Variants in PAX7 observed in about 807,000 individuals in gnomAD.
PAX7 encodes the protein paired box 7.
A neutral mutation model predicts 50.7 loss-of-function variants in PAX7; 18 were observed. The ratio of observed to expected loss-of-function variants is 0.36; its 90% CI spans 0.25 to 0.53. PAX7 has a LOEUF of 0.53. Among genes scored for constraint, PAX7 ranks in the 20% least tolerant of loss-of-function variants. The pLI is 0.93. For missense variants in PAX7, 644 were observed against 702.9 expected (o/e 0.92, Z 0.95); for synonymous variants, 310 against 290.4 (o/e 1.07, Z -0.69).
intron 4 of PAX7, among the ~76,000 whole-genome samples, chr1:18,683,547 GA>G (rs2088929055): frequency 6.6e-6 from 1 of 152,204 alleles, no homozygotes; most frequent in Admixed American, 6.5e-5. Context: ...GGACAGTCAA[GA>G]ATGCCCATTG....
intron 5 of PAX7, among the ~76,000 whole-genome samples, chr1:18,694,488 AT>A (rs1199902492): frequency 6.7e-6 from 1 of 149,108 alleles, no homozygotes; most frequent in Non-Finnish European, 1.5e-5. Context: ...AAATAAATAA[AT>A]AAATAAATAA....
At chr1:18,662,114 G>T (rs1225903814) in intron 4 of PAX7, among the ~76,000 whole-genome samples, 1 of 151,706 alleles carries the variant, frequency 6.6e-6, no homozygotes, top group Non-Finnish European at 1.5e-5. Context: ...CTTCGCTGGG[G>T]GTAGGGTGGG....
chr1:18,690,767 G>A (rs543862346), intron 4 of PAX7, among the ~76,000 whole-genome samples: 20 of 152,360 alleles, frequency 1.3e-4, no homozygotes, highest in African/African-American at 4.3e-4. Context: ...AGGTCATTCA[G>A]GTGAGGTCTC....
At chr1:18,709,253 G>A (rs767109363) in intron 7 of PAX7, among the ~76,000 whole-genome samples, 6 of 152,070 alleles carry the variant, frequency 3.9e-5, no homozygotes, top group Non-Finnish European at 8.8e-5. Context: ...CTCCTGCCAC[G>A]ACCTCGTGGA....
At chr1:18,744,738 A>T in intron 8 of PAX7, 76 bp from the exon 9 acceptor site, 1 of 753,332 alleles carries the variant, frequency 1.3e-6, no homozygotes, top group East Asian at 2.7e-5. Context: ...GGATGGATGG[A>T]TGGGTGTAGA....
chr1:18,691,142 T>C (rs1249873738), intron 4 of PAX7, among the ~76,000 whole-genome samples: 1 of 152,156 alleles, frequency 6.6e-6, no homozygotes, highest in Non-Finnish European at 1.5e-5. Context: ...CACACTCAGC[T>C]AATTTTCTTA....
At chr1:18,643,990 C>T (rs1470275724) in intron 4 of PAX7, among the ~76,000 whole-genome samples, 2 of 152,246 alleles carry the variant, frequency 1.3e-5, no homozygotes, top group African/African-American at 2.4e-5. Context: ...CAGGCCGGCC[C>T]GGGCTTCACT....
chr1:18,654,866 A>T (rs1476048744), intron 4 of PAX7, among the ~76,000 whole-genome samples: 1 of 152,192 alleles, frequency 6.6e-6, no homozygotes, highest in Admixed American at 6.5e-5. Context: ...CACAGGGCTG[A>T]AGAAAGAGGC....
At chr1:18,744,783 A>G (rs1931355972) in intron 8 of PAX7, 31 bp from the exon 9 acceptor site, 2 of 1,340,198 alleles carry the variant, frequency 1.5e-6, no homozygotes, top group Admixed American at 2.0e-5. Flanking sequence ...AAAGAACCTC[A>G]ATTTCTAGGA....
intron 7 of PAX7, among the ~76,000 whole-genome samples, chr1:18,724,018 T>C (rs1353366392): frequency 1.3e-5 from 2 of 152,000 alleles, no homozygotes; most frequent in Non-Finnish European, 2.9e-5. Context: ...CATTTTTCAC[T>C]CGCTCAGTGC....
Position 18,720,629 on chromosome 1 carries a change from G to A in PAX7, c.1156-15003G>A, listed in dbSNP as rs181263276. 4.0e-5 allele frequency among the ~76,000 whole-genome samples: 6 copies of A among 151,838 alleles called. No homozygotes were observed. In the South Asian group the frequency reaches 6.3e-4, roughly 16 times the overall value. ...GGAGAGAGGGGAGGTGGGCGCAGAC[G>A]GACCCATGGAAAGAAGGGAGGTGGG... On this transcript the variant is annotated intron_variant, in intron 7 of 8. Transcript: ENST00000420770.
chr1:18,631,826 G>C, intron 1 of PAX7, 138 bp downstream of exon 1: 1 of 723,350 alleles, frequency 1.4e-6, no homozygotes, highest in Non-Finnish European at 2.3e-6. Context: ...TCCCAGTCCG[G>C]GCGCGGAACC....
chr1:18,637,528 G>A (rs1570104028), intron 4 of PAX7, among the ~76,000 whole-genome samples: 1 of 152,324 alleles, frequency 6.6e-6, no homozygotes, highest in East Asian at 1.9e-4. Flanking sequence ...CAAAAAGCCA[G>A]TGTTGTTTCA....
rs2089575765 is a variant in PAX7 at position 18,726,707 on chromosome 1, C to T, written c.1156-8925C>T. Among the ~76,000 whole-genome samples the T allele has an allele frequency of 6.6e-6, 1 of 152,228 alleles. No individual in the cohort carries two copies. Among genetic ancestry groups the T allele is most frequent in the Admixed American group, 6.5e-5 (1 of 15,288 alleles). ...CCTCCCAGGGTCTCTCCCTCACACA[C>T]CAGAAGGTTCTTACCAAAGTCTCAG... On this transcript the variant is annotated intron_variant, in intron 7 of 8. Transcript: ENST00000420770. This position sits in a 1 kb window ranked among gnomAD's most constrained non-coding sequence, Gnocchi z 4.8.
At chr1:18,725,451 C>G (rs1336302232) in intron 7 of PAX7, among the ~76,000 whole-genome samples, 1 of 152,142 alleles carries the variant, frequency 6.6e-6, no homozygotes, top group East Asian at 1.9e-4. Context: ...CCCCTCAGCT[C>G]GGCCAATTAG....
chr1:18,748,463 G>T lies in PAX7; in HGVS notation c.*3534G>T, dbSNP rs574617896. ...GCACCAAAACCAAGACCAAATGGGG[G>T]TTCTCTAGCCGCCAACTTGAAACGC... On this transcript the variant is annotated 3_prime_UTR_variant, in exon 9 of 9. Transcript: ENST00000420770. The T allele has an allele frequency of 2.6e-5, 6 of 232,034 alleles. No homozygotes were observed. The highest frequency in any genetic ancestry group is 5.1e-5 in the Non-Finnish European group (6 of 117,350). The allele number at this position is 232,034 out of a possible 1,614,324, so 14.4% of individuals were successfully genotyped here. A position where few individuals can be genotyped will look rare whatever the true frequency, so the allele number is the denominator to read the frequency against.
At chr1:18,641,625 G>C (rs952550739) in intron 4 of PAX7, among the ~76,000 whole-genome samples, 2 of 152,196 alleles carry the variant, frequency 1.3e-5, no homozygotes, top group Non-Finnish European at 2.9e-5. Context: ...ACGGCGCAGC[G>C]GTTAAAGGAA....
At chr1:18,640,862 G>C (rs2088241072) in intron 4 of PAX7, among the ~76,000 whole-genome samples, 1 of 151,514 alleles carries the variant, frequency 6.6e-6, no homozygotes, top group African/African-American at 2.4e-5. Flanking sequence ...GGGATGGGGC[G>C]AGCGGAGAGG....
At chr1:18,703,542 G>A (rs57757434) in intron 7 of PAX7, among the ~76,000 whole-genome samples, 12,206 of 152,256 alleles carry the variant, frequency 0.08, 602 homozygotes, top group Non-Finnish European at 0.1. Context: ...TGGGGTTCTG[G>A]GCCGGTAACT....
Sources: allele counts gnomAD v4.1 joint callset (sites outside exome capture counted in the v4.1 genomes callset), GRCh38; gene constraint gnomAD v4.1.1; non-coding constraint Gnocchi (gnomAD v3.1); transcripts MANE v1.5; gene names NCBI Gene and HGNC (gene_info 2026-07-23, HGNC 2026-07-21).